Variants in STAB2 observed in about 807,000 individuals in gnomAD.
STAB2 encodes stabilin 2.
STAB2 carries 288 observed loss-of-function variants against 338.1 expected under a neutral mutation model. The ratio of observed to expected loss-of-function variants is 0.85; its 90% confidence interval spans 0.77 to 0.94. The LOEUF (loss-of-function observed/expected upper bound fraction) is 0.94, where lower values mean the gene tolerates loss of function less well. Among genes scored for constraint, STAB2 ranks in the 40% least tolerant of loss-of-function variants. The probability of loss-of-function intolerance (pLI) is 0.00; values close to 1 mark genes in which losing one functional copy is unlikely to be tolerated. For missense variants in STAB2, 3,141 were observed against 3,210.1 expected, an observed-to-expected ratio of 0.98 and a Z score of 0.52; for synonymous variants, 1,202 against 1,193.3, an observed-to-expected ratio of 1.01 and a Z score of -0.15.
intron 47 of STAB2, among the ~76,000 whole-genome samples, chr12:103,727,637 G>C (rs1881315835): frequency 6.6e-6 from 1 of 152,158 alleles, no homozygotes. Context: ...ACCTCCTATA[G>C]ACAAAAAACA....
chr12:103,634,175 G>A (rs551306611), intron 6 of STAB2, among the ~76,000 whole-genome samples: 1 of 152,250 alleles, frequency 6.6e-6, no homozygotes, highest in East Asian at 1.9e-4. Flanking sequence ...TTAACACTAT[G>A]GTTTTAAAAT....
At chr12:103,706,432 G>T (rs1317683889) in intron 37 of STAB2, among the ~76,000 whole-genome samples, 4 of 152,208 alleles carry the variant, frequency 2.6e-5, no homozygotes, top group South Asian at 2.1e-4. Context: ...AAGGGGCCCA[G>T]ATCTGGGTTG....
At chr12:103,711,661 A>C in intron 40 of STAB2, 145 bp downstream of exon 40, 1 of 925,876 alleles carries the variant, frequency 1.1e-6, no homozygotes, top group Non-Finnish European at 1.6e-6. Flanking sequence ...AACTAAAAAT[A>C]TCTCTGAAGA....
intron 66 of STAB2, among the ~76,000 whole-genome samples, chr12:103,761,629 A>G (rs374883169): frequency 6.6e-6 from 1 of 152,018 alleles, no homozygotes; most frequent in East Asian, 1.9e-4. Context: ...AGTCACCATT[A>G]ATATCTGTTG....
chr12:103,631,516 A>T lies in STAB2; in HGVS notation c.488-82A>T, dbSNP rs1356995960. ...AACAACATGCAGAGTCTCAGCAAAG[A>T]TGATCTAAAAACACTAGCTTTCCAG... is the stretch of plus-strand genomic sequence containing the variant. On this transcript the variant is annotated intron_variant, in intron 5 of 68. Coordinates refer to ENST00000388887, the MANE Select transcript of STAB2 (RefSeq NM_017564.10). 3.0e-6 allele frequency: 4 copies of T among 1,346,488 alleles called. No individual in the cohort carries two copies. The African/African-American group carries it at 4.3e-5, about 14-fold the overall frequency. The allele number at this position is 1,346,488 out of a possible 1,614,324, so 83.4% of individuals were successfully genotyped here.
intron 54 of STAB2, 148 bp from the exon 55 acceptor site, chr12:103,740,482 C>A: frequency 2.0e-6 from 2 of 1,011,106 alleles, no homozygotes; most frequent in Non-Finnish European, 2.8e-6. Context: ...GGAAAAATAT[C>A]ACCTTGGAAA....
intron 63 of STAB2, among the ~76,000 whole-genome samples, chr12:103,756,980 G>T (rs1884146201): frequency 9.4e-6 from 1 of 106,822 alleles, no homozygotes. Flanking sequence ...GGCCTCAGTA[G>T]CCCAGAAGGA....
At chr12:103,713,574 C>G in intron 41 of STAB2, 69 bp from the exon 42 acceptor site, 1 of 1,592,590 alleles carries the variant, frequency 6.3e-7, no homozygotes, top group Non-Finnish European at 8.6e-7. Flanking sequence ...TTCTCAATGA[C>G]TTGAGGAAAA....
chr12:103,688,015 A>G (rs697206), intron 27 of STAB2, among the ~76,000 whole-genome samples, 153 bp from the exon 28 acceptor site: 68,265 of 152,094 alleles, frequency 0.45, 15,378 homozygotes, highest in East Asian at 0.53. Context: ...ACGCATTCAC[A>G]TCAGCATCAG....
chr12:103,651,609 G>T (rs1320689270), intron 11 of STAB2, among the ~76,000 whole-genome samples: 1 of 152,000 alleles, frequency 6.6e-6, no homozygotes, highest in Non-Finnish European at 1.5e-5. Flanking sequence ...ACTGCACCTG[G>T]CCCAGATCTT....
chr12:103,602,777 A>G (rs995882535), intron 3 of STAB2, among the ~76,000 whole-genome samples: 2 of 152,046 alleles, frequency 1.3e-5, no homozygotes, highest in Admixed American at 6.6e-5. Context: ...GAGTTTTGAG[A>G]GTTCTTTAAA....
chr12:103,630,718 G>A (rs1957446993), intron 5 of STAB2, among the ~76,000 whole-genome samples: 1 of 152,174 alleles, frequency 6.6e-6, no homozygotes, highest in South Asian at 2.1e-4. Flanking sequence ...GATGGAGAAA[G>A]GGTTTCATGA....
intron 30 of STAB2, among the ~76,000 whole-genome samples, chr12:103,691,275 C>T (rs1321561905): frequency 1.3e-5 from 2 of 152,228 alleles, no homozygotes; most frequent in Admixed American, 6.5e-5. Flanking sequence ...CCATGGGCTA[C>T]AGTCAAAAAT....
At chr12:103,668,540 T>G in intron 19 of STAB2, 103 bp from the exon 20 acceptor site, 3 of 1,037,994 alleles carry the variant, frequency 2.9e-6, no homozygotes, top group Non-Finnish European at 4.3e-6. Context: ...CTGACGTCAG[T>G]GGTGAAATGG....
chr12:103,735,828 C>T (rs1397973412), intron 52 of STAB2, among the ~76,000 whole-genome samples: 2 of 152,198 alleles, frequency 1.3e-5, no homozygotes, highest in South Asian at 2.1e-4. Flanking sequence ...CTGTGGAGAG[C>T]AGCTTCCAGT....
At chr12:103,636,832 G>A (rs907657024) in intron 6 of STAB2, among the ~76,000 whole-genome samples, 1 of 152,016 alleles carries the variant, frequency 6.6e-6, no homozygotes, top group Non-Finnish European at 1.5e-5. Flanking sequence ...ATAATATATC[G>A]TTAAATTAAA....
chr12:103,758,316 T>C (rs570869001), intron 64 of STAB2, 27 bp downstream of exon 64: 1 of 1,610,404 alleles, frequency 6.2e-7, no homozygotes, highest in Admixed American at 1.7e-5. Flanking sequence ...GTGCCTTTGC[T>C]TTAGACTAGC....
chr12:103,740,509 A>G, intron 54 of STAB2, 121 bp from the exon 55 acceptor site: 1 of 1,392,536 alleles, frequency 7.2e-7, no homozygotes, highest in Non-Finnish European at 9.5e-7. Context: ...GTTGGCTCAC[A>G]CTGGAAGTCC....
chr12:103,695,460 G>A (rs1878313433), intron 31 of STAB2, 90 bp from the exon 32 acceptor site: 1 of 1,156,560 alleles, frequency 8.6e-7, no homozygotes, highest in Admixed American at 2.0e-5. Context: ...ACTGTCTAAA[G>A]AGGTTAATGG....
Sources: gnomAD v4.1 joint callset for allele counts (sites outside exome capture counted in the v4.1 genomes callset) on GRCh38, gnomAD v4.1.1 for gene constraint, MANE v1.5 for transcripts, NCBI Gene and HGNC (gene_info 2026-07-23, HGNC 2026-07-21) for gene names.